GPC5: variants seen among roughly 807,000 people sequenced by gnomAD.
The protein encoded by GPC5 is glypican 5.
Under a neutral mutation model 53.9 loss-of-function variants are expected in GPC5, and 47 were observed. That is an observed-to-expected ratio of 0.87 (90% CI 0.69 to 1.11). The LOEUF is 1.11. Among genes scored for constraint, GPC5 ranks in the 50% most tolerant of loss-of-function variants. The probability of loss-of-function intolerance (pLI) is 0.00; values close to 1 mark genes in which losing one functional copy is unlikely to be tolerated. For missense variants in GPC5, 748 were observed against 713.1 expected, an observed-to-expected ratio of 1.05 and a Z score of -0.56; for synonymous variants, 286 against 263.3, an observed-to-expected ratio of 1.09 and a Z score of -0.84.
intron 6 of GPC5, among the ~76,000 whole-genome samples, chr13:92,083,537 A>C (rs879415991): frequency 2.0e-5 from 3 of 152,244 alleles, no homozygotes; most frequent in Non-Finnish European, 2.9e-5. Flanking sequence ...ACAAACCTGC[A>C]CATTGTGCAC....
chr13:92,445,079 G>A (rs924207382), intron 7 of GPC5, among the ~76,000 whole-genome samples: 1 of 151,950 alleles, frequency 6.6e-6, no homozygotes, highest in Non-Finnish European at 1.5e-5. Flanking sequence ...ACCAACTATA[G>A]GCTGTATCAT....
intron 7 of GPC5, among the ~76,000 whole-genome samples, chr13:92,567,808 C>T (rs967927979): frequency 6.6e-6 from 1 of 152,094 alleles, no homozygotes. Context: ...ACCTACAGAG[C>T]TGTAAGATCT....
intron 2 of GPC5, among the ~76,000 whole-genome samples, chr13:91,491,896 G>C (rs759270977): frequency 6.6e-6 from 1 of 152,092 alleles, no homozygotes; most frequent in Non-Finnish European, 1.5e-5. Context: ...ATAAAGTCAC[G>C]CTCACAGGTT....
intron 2 of GPC5, among the ~76,000 whole-genome samples, chr13:91,541,464 A>G (rs1021016087): frequency 1.3e-5 from 2 of 152,140 alleles, no homozygotes; most frequent in African/African-American, 2.4e-5. Flanking sequence ...AGGGCAATCT[A>G]TAGTATTCCC....
At chr13:91,708,675 G>A (rs2036160613) in intron 3 of GPC5, among the ~76,000 whole-genome samples, 1 of 152,078 alleles carries the variant, frequency 6.6e-6, no homozygotes, top group Admixed American at 6.6e-5. Context: ...CGAATTTTAT[G>A]TTCTGTGAAC....
At chr13:91,719,182 G>A (rs1343208250) in intron 3 of GPC5, among the ~76,000 whole-genome samples, 1 of 152,218 alleles carries the variant, frequency 6.6e-6, no homozygotes, top group African/African-American at 2.4e-5. Context: ...AATTGATTAA[G>A]GTCAATAGCA....
chr13:91,842,635 G>A (rs1003493870), intron 5 of GPC5, among the ~76,000 whole-genome samples: 1 of 138,870 alleles, frequency 7.2e-6, no homozygotes, highest in Non-Finnish European at 1.5e-5. Flanking sequence ...CTGGGAGGCG[G>A]AGCTTGCAGT....
chr13:91,741,329 A>G (rs1263219078), intron 4 of GPC5, among the ~76,000 whole-genome samples: 1 of 152,150 alleles, frequency 6.6e-6, no homozygotes, highest in Non-Finnish European at 1.5e-5. Flanking sequence ...TATCACTTGG[A>G]ACATTAACAG....
At chr13:91,998,853 C>G (rs1445841415) in intron 6 of GPC5, among the ~76,000 whole-genome samples, 2 of 152,156 alleles carry the variant, frequency 1.3e-5, no homozygotes, top group Non-Finnish European at 2.9e-5. Flanking sequence ...CCTAAACCAT[C>G]CGTCCAAGCC....
chr13:92,718,944 T>G (rs1180278076), intron 7 of GPC5, among the ~76,000 whole-genome samples: 1 of 151,468 alleles, frequency 6.6e-6, no homozygotes, highest in African/African-American at 2.4e-5. Context: ...AGAATGTTTG[T>G]AACACAAAGG....
At chr13:91,580,525 G>A (rs1342638735) in intron 2 of GPC5, among the ~76,000 whole-genome samples, 5 of 152,068 alleles carry the variant, frequency 3.3e-5, no homozygotes, top group African/African-American at 1.2e-4. Context: ...CCAAAAGTAT[G>A]ATCCTAGCTT....
intron 7 of GPC5, among the ~76,000 whole-genome samples, chr13:92,224,845 G>A (rs2042473520): frequency 6.6e-6 from 1 of 152,178 alleles, no homozygotes; most frequent in African/African-American, 2.4e-5. Context: ...GTTTCTTACA[G>A]ACTTTGCCTC....
intron 6 of GPC5, among the ~76,000 whole-genome samples, chr13:92,030,915 C>T (rs2040835895): frequency 6.6e-6 from 1 of 152,144 alleles, no homozygotes; most frequent in African/African-American, 2.4e-5. Context: ...ATTTTACTCA[C>T]CCTTCAAAGT....
At chr13:91,660,336 A>G (rs1228874185) in intron 2 of GPC5, among the ~76,000 whole-genome samples, 1 of 152,140 alleles carries the variant, frequency 6.6e-6, no homozygotes, top group Non-Finnish European at 1.5e-5. Flanking sequence ...CATTGTCTAA[A>G]TATTGAGTCT....
chr13:92,664,005 G>A (rs1045716862), intron 7 of GPC5, among the ~76,000 whole-genome samples: 1 of 150,650 alleles, frequency 6.6e-6, no homozygotes, highest in Non-Finnish European at 1.5e-5. Flanking sequence ...CCGGGAGGCA[G>A]AGGTTGCAGT....
chr13:91,666,545 A>G (rs1197570430), intron 2 of GPC5, among the ~76,000 whole-genome samples: 1 of 152,166 alleles, frequency 6.6e-6, no homozygotes, highest in Non-Finnish European at 1.5e-5. Context: ...CATTTCATTT[A>G]CATATTAGTT....
intron 6 of GPC5, among the ~76,000 whole-genome samples, chr13:92,138,699 A>AT (rs1443036000): frequency 6.6e-6 from 1 of 152,116 alleles, no homozygotes; most frequent in African/African-American, 2.4e-5. Context: ...AACTATGTCT[A>AT]TTTCTTGAAA....
intron 2 of GPC5, among the ~76,000 whole-genome samples, 188 bp from the exon 3 acceptor site, chr13:91,692,999 T>C (rs1420986027): frequency 6.6e-6 from 1 of 152,188 alleles, no homozygotes; most frequent in Non-Finnish European, 1.5e-5. Flanking sequence ...ATAAAACTTG[T>C]GTGTTGTAGG....
chr13:92,119,567 A>ATTTTTTTTTTTTTT (rs59391576), intron 6 of GPC5, among the ~76,000 whole-genome samples: 1 of 70,614 alleles, frequency 1.4e-5, no homozygotes, highest in Non-Finnish European at 2.5e-5. Context: ...CGCCTGGCTA[A>ATTTTTTTTTTTTTT]TTTTTTTTTT....
Sources: allele counts gnomAD v4.1 joint callset (sites outside exome capture counted in the v4.1 genomes callset), GRCh38; gene constraint gnomAD v4.1.1; transcripts MANE v1.5; gene names NCBI Gene and HGNC (gene_info 2026-07-23, HGNC 2026-07-21).